The following PDGFD variants were observed in gnomAD, a reference collection of about 807,000 sequenced individuals.
The protein encoded by PDGFD is platelet derived growth factor D, also known as platelet-derived growth factor D.
A neutral mutation model predicts 44.7 loss-of-function variants in PDGFD; 30 were observed. That is an observed-to-expected ratio of 0.67 (90% CI 0.50 to 0.91). PDGFD has a LOEUF of 0.91. Ranked by LOEUF, PDGFD falls within the 40% of genes least tolerant of loss-of-function variation. The pLI, the probability that PDGFD is intolerant of heterozygous loss-of-function variation, is 0.00. For synonymous variants in PDGFD, 173 were observed against 168.4 expected (o/e 1.03, Z -0.21); for missense variants, 445 against 457.8 (o/e 0.97, Z 0.25).
Position 104,037,789 on chromosome 11 carries a change from G to A in PDGFD, c.125-37534C>T, listed in dbSNP as rs116423827. ...ACAGTGCTCTTTCTCCATACTTGAG[G>A]ATCAACCCATGGATATGCTTCTAGG... On this transcript the variant is annotated intron_variant, in intron 1 of 6. Transcript: ENST00000393158. 1,550 of 1,614,122 alleles carry A rather than the reference G, an allele frequency of 9.6e-4. 13 individuals are homozygous for A. The African/African-American group carries it at 0.018, about 18-fold the overall frequency.
In PDGFD at chr11:104,024,830, G is replaced by GT. The variant is rs1240234504; in HGVS notation, c.125-24576dup. ...GCATACAAATGACCTATTTGCACAT[G>GT]TAAGTGTCAAATCTGTATAATCTCT... On this transcript the variant is annotated intron_variant, in intron 1 of 6. Coordinates refer to ENST00000393158, the MANE Select transcript of PDGFD (RefSeq NM_025208.5). 7.2e-5 allele frequency among the ~76,000 whole-genome samples: 11 copies of GT among 152,324 alleles called. 1 individual carries two copies. The highest frequency in any genetic ancestry group is 5.2e-4 in the Admixed American group (8 of 15,302).
chr11:104,115,024 T>C (rs1290370203), intron 1 of PDGFD, among the ~76,000 whole-genome samples: 2 of 151,752 alleles, frequency 1.3e-5, no homozygotes, highest in Non-Finnish European at 2.9e-5. Flanking sequence ...GCACCTAATT[T>C]GTAGTCTTTT....
chr11:104,001,575 TA>T (rs1800382821), intron 1 of PDGFD, among the ~76,000 whole-genome samples: 1 of 152,210 alleles, frequency 6.6e-6, no homozygotes, highest in Non-Finnish European at 1.5e-5. Flanking sequence ...CTTGTAATTT[TA>T]ACCTGTGGAA....
At chr11:104,144,540 AAAAC>A (rs1337313927) in intron 1 of PDGFD, among the ~76,000 whole-genome samples, 5 of 136,002 alleles carry the variant, frequency 3.7e-5, no homozygotes, top group African/African-American at 1.5e-4. Flanking sequence ...CCAACAAAAC[AAAAC>A]AAACAAACAA....
intron 1 of PDGFD, among the ~76,000 whole-genome samples, chr11:104,094,656 C>CTA (rs1861257993): frequency 6.6e-6 from 1 of 152,108 alleles, no homozygotes; most frequent in South Asian, 2.1e-4. Context: ...TTATCTATAA[C>CTA]TATACACGTA....
intron 1 of PDGFD, among the ~76,000 whole-genome samples, chr11:104,089,195 A>G (rs1158347888): frequency 6.6e-6 from 1 of 152,194 alleles, no homozygotes; most frequent in Non-Finnish European, 1.5e-5. Flanking sequence ...AAATATTGAA[A>G]CAATTTGGAT....
At chr11:104,041,398 C>A (rs1156553577) in intron 1 of PDGFD, among the ~76,000 whole-genome samples, 1 of 148,066 alleles carries the variant, frequency 6.8e-6, no homozygotes, top group Non-Finnish European at 1.5e-5. Context: ...CTAAAATGTT[C>A]ATCACTGATG....
intron 3 of PDGFD, among the ~76,000 whole-genome samples, chr11:103,976,511 AC>A (rs1382347439): frequency 2.0e-5 from 3 of 151,998 alleles, no homozygotes; most frequent in Non-Finnish European, 4.4e-5. Flanking sequence ...CTATCTGAAT[AC>A]CCTTTATTTC....
chr11:104,047,549 G>A (rs549529981), intron 1 of PDGFD, among the ~76,000 whole-genome samples: 5 of 147,000 alleles, frequency 3.4e-5, no homozygotes, highest in Admixed American at 6.8e-5. Context: ...TTTAATAAGC[G>A]TCTGTTCATA....
chr11:104,099,292 AAAT>A (rs1861333995), intron 1 of PDGFD, among the ~76,000 whole-genome samples: 1 of 152,222 alleles, frequency 6.6e-6, no homozygotes, highest in Non-Finnish European at 1.5e-5. Flanking sequence ...TATCTATCCT[AAAT>A]AATTTCTAGT....
At chr11:103,947,006 TTTA>T (rs1432546447) in intron 4 of PDGFD, among the ~76,000 whole-genome samples, 1 of 152,180 alleles carries the variant, frequency 6.6e-6, no homozygotes, top group African/African-American at 2.4e-5. Context: ...AACAACTGCA[TTTA>T]TTATCTTGTA....
chr11:103,965,278 C>A (rs994828736), intron 3 of PDGFD, among the ~76,000 whole-genome samples: 17 of 152,096 alleles, frequency 1.1e-4, no homozygotes, highest in African/African-American at 4.1e-4. Flanking sequence ...TACTACCTAA[C>A]CATAGGATCT....
intron 3 of PDGFD, among the ~76,000 whole-genome samples, chr11:103,968,835 A>G (rs966935628): frequency 2.4e-4 from 37 of 152,170 alleles, no homozygotes; most frequent in African/African-American, 7.2e-4. Flanking sequence ...TAAAACCCTC[A>G]TGATCTGGCT....
chr11:104,162,755 C>T (rs1044030091), intron 1 of PDGFD, among the ~76,000 whole-genome samples: 2 of 152,086 alleles, frequency 1.3e-5, no homozygotes, highest in African/African-American at 4.8e-5. Context: ...TAGGAATTTA[C>T]CAAGACAGTC....
intron 3 of PDGFD, among the ~76,000 whole-genome samples, chr11:103,976,118 C>T: frequency 6.6e-6 from 1 of 152,236 alleles, no homozygotes; most frequent in South Asian, 2.1e-4. Context: ...TTGACTCTTC[C>T]TATCCATGAA....
intron 3 of PDGFD, among the ~76,000 whole-genome samples, chr11:103,987,666 T>G (rs1859388796): frequency 6.6e-6 from 1 of 152,218 alleles, no homozygotes; most frequent in Non-Finnish European, 1.5e-5. Flanking sequence ...CTGCTACTTT[T>G]GAGTCCTTTT....
chr11:104,001,271 T>C (rs569614261), intron 1 of PDGFD, among the ~76,000 whole-genome samples: 1 of 152,310 alleles, frequency 6.6e-6, no homozygotes, highest in East Asian at 1.9e-4. Context: ...GGGATACACA[T>C]TGATGTACTA....
At chr11:103,951,429 A>C (rs937979688) in intron 3 of PDGFD, among the ~76,000 whole-genome samples, 2 of 152,168 alleles carry the variant, frequency 1.3e-5, no homozygotes, top group Admixed American at 1.3e-4. Flanking sequence ...GGTCAGAATT[A>C]TCTCTTTTAA....
At chr11:103,937,923 T>A (rs1428054726) in intron 5 of PDGFD, among the ~76,000 whole-genome samples, 1 of 151,842 alleles carries the variant, frequency 6.6e-6, no homozygotes, top group African/African-American at 2.4e-5. Flanking sequence ...ATGGTGTATA[T>A]GTGCCACATT....
Sources: gnomAD v4.1 joint callset for allele counts (sites outside exome capture counted in the v4.1 genomes callset) on GRCh38, gnomAD v4.1.1 for gene constraint, MANE v1.5 for transcripts, NCBI Gene and HGNC (gene_info 2026-07-23, HGNC 2026-07-21) for gene names.